The following CADM2 variants were observed in gnomAD, a reference collection of about 807,000 sequenced individuals.
The protein encoded by CADM2 is immunoglobulin superfamily member 4D.
Under a neutral mutation model 49.8 loss-of-function variants are expected in CADM2, and 12 were observed. The ratio of observed to expected loss-of-function variants is 0.24; its 90% CI spans 0.15 to 0.39. The LOEUF (loss-of-function observed/expected upper bound fraction) is 0.39, where lower values mean the gene tolerates loss of function less well. CADM2 is among the 10% of genes least tolerant of loss of function. CADM2 has a pLI of 1.00. For missense variants in CADM2, 378 were observed against 492.3 expected, an observed-to-expected ratio of 0.77 and a Z score of 2.20; for synonymous variants, 214 against 175.4, an observed-to-expected ratio of 1.22 and a Z score of -1.74.
rs78325399 is a variant in CADM2, at chr3:85,117,374, A to G, written c.61+157706A>G. On this transcript the variant is annotated intron_variant, in intron 1 of 9. Coordinates refer to ENST00000383699, the MANE Select transcript of CADM2 (RefSeq NM_001167675.2). ...AAGGAATATTATCTATTTCTCAAAG[A>G]AAGTTAAAATAATACAAGCTTGGAT... Among the ~76,000 whole-genome samples, 3 of 152,176 alleles carry G rather than the reference A, an allele frequency of 2.0e-5. No individual in the cohort carries two copies. The East Asian group carries it at 5.8e-4, about 29-fold the overall frequency.
chr3:85,112,356 A>T (rs1245556298), intron 1 of CADM2, among the ~76,000 whole-genome samples: 101 of 144,250 alleles, frequency 7.0e-4, no homozygotes, highest in Non-Finnish European at 1.2e-3. Flanking sequence ...AGAAACTGTC[A>T]TTTTTTTTTT....
chr3:85,969,083 G>T lies in CADM2; in HGVS notation c.970+7436G>T, dbSNP rs150889608. On this transcript the variant is annotated intron_variant, in intron 8 of 9. Coordinates refer to ENST00000383699, the MANE Select transcript of CADM2 (RefSeq NM_001167675.2). ...CATCATCCTCTCTGGCTTAGACTAG[G>T]GTCCCTTGTTCCACACTCCCACACC... is the stretch of plus-strand genomic sequence containing the variant. Among the ~76,000 whole-genome samples, 22 of 151,264 alleles carry T rather than the reference G, an allele frequency of 1.5e-4. No individual in the cohort carries two copies. The East Asian group carries it at 4.1e-3, about 28-fold the overall frequency.
intron 1 of CADM2, among the ~76,000 whole-genome samples, chr3:84,992,573 G>A (rs1375268002): frequency 1.3e-5 from 2 of 152,066 alleles, no homozygotes; most frequent in Non-Finnish European, 2.9e-5. Context: ...AGGTTGCAGT[G>A]AGCCGAGATC....
intron 3 of CADM2, among the ~76,000 whole-genome samples, chr3:85,820,168 G>A (rs2073464412): frequency 6.6e-6 from 1 of 152,094 alleles, no homozygotes; most frequent in South Asian, 2.1e-4. Context: ...AAGAATAGAG[G>A]AGAGGAAGGC....
At chr3:85,354,643 A>AGAGAGAGAGAGAG (rs71108278) in intron 1 of CADM2, among the ~76,000 whole-genome samples, 7 of 149,090 alleles carry the variant, frequency 4.7e-5, no homozygotes, top group East Asian at 4.0e-4. Flanking sequence ...AGAGAGAGAG[A>AGAGAGAGAGAGAG]AGCCTATTCT....
intron 1 of CADM2, among the ~76,000 whole-genome samples, chr3:85,330,119 A>G (rs780339986): frequency 7.9e-5 from 12 of 152,170 alleles, no homozygotes; most frequent in Non-Finnish European, 1.8e-4. Flanking sequence ...AAGAAATCCT[A>G]CATTTTCAAA....
chr3:86,036,790 T>G (rs1392810718), intron 8 of CADM2, among the ~76,000 whole-genome samples: 4 of 152,200 alleles, frequency 2.6e-5, no homozygotes, highest in Non-Finnish European at 5.9e-5. Flanking sequence ...GTGATATATG[T>G]GAACTGGTAC....
At chr3:85,266,663 A>G (rs1272320313) in intron 1 of CADM2, among the ~76,000 whole-genome samples, 1 of 151,914 alleles carries the variant, frequency 6.6e-6, no homozygotes, top group Non-Finnish European at 1.5e-5. Flanking sequence ...ATATCATTTT[A>G]TTAAGTAGAA....
chr3:85,042,753 T>C (rs2035492356), intron 1 of CADM2, among the ~76,000 whole-genome samples: 1 of 152,182 alleles, frequency 6.6e-6, no homozygotes, highest in Non-Finnish European at 1.5e-5. Flanking sequence ...CAAACAACTT[T>C]CCTGGTGATG....
At chr3:84,998,824 T>C (rs2033309836) in intron 1 of CADM2, among the ~76,000 whole-genome samples, 1 of 152,146 alleles carries the variant, frequency 6.6e-6, no homozygotes, top group Non-Finnish European at 1.5e-5. Context: ...ACCACCTGGT[T>C]AACTGTGAGT....
chr3:85,557,321 A>G (rs190515078), intron 1 of CADM2, among the ~76,000 whole-genome samples: 4 of 152,116 alleles, frequency 2.6e-5, no homozygotes, highest in Non-Finnish European at 5.9e-5. Context: ...TCAATATGAA[A>G]GAATAGAGAA....
chr3:85,943,495 C>T (rs1380670664), intron 7 of CADM2, among the ~76,000 whole-genome samples: 75 of 150,356 alleles, frequency 5.0e-4, no homozygotes, highest in Non-Finnish European at 1.0e-3. Flanking sequence ...TTTAATCCAT[C>T]TTGAATTGAT....
At chr3:85,777,746 G>C (rs777234723) in intron 2 of CADM2, among the ~76,000 whole-genome samples, 4 of 152,074 alleles carry the variant, frequency 2.6e-5, no homozygotes, top group Non-Finnish European at 5.9e-5. Context: ...TCTTCAATAA[G>C]TACTTTCTCT....
intron 8 of CADM2, among the ~76,000 whole-genome samples, chr3:85,994,961 A>T (rs1729188935): frequency 6.8e-6 from 1 of 146,606 alleles, no homozygotes; most frequent in African/African-American, 2.5e-5. Flanking sequence ...CTGTTGGAAA[A>T]ATGGTGCCAG....
At chr3:85,961,749 T>G in intron 8 of CADM2, 102 bp downstream of exon 8, 1 of 618,992 alleles carries the variant, frequency 1.6e-6, no homozygotes, top group Non-Finnish European at 2.5e-6. Flanking sequence ...ATTATATGGT[T>G]TCTTTTTACT....
chr3:85,699,121 T>A (rs940623637), intron 1 of CADM2, among the ~76,000 whole-genome samples: 1 of 152,036 alleles, frequency 6.6e-6, no homozygotes, highest in African/African-American at 2.4e-5. Context: ...TCCAAAATAA[T>A]CTCCTTTGAC....
intron 1 of CADM2, among the ~76,000 whole-genome samples, chr3:85,212,860 T>TCTCTCTCTCTCTC (rs1559723747): frequency 8.7e-6 from 1 of 114,860 alleles, no homozygotes; most frequent in Admixed American, 9.0e-5. Flanking sequence ...CTTTCTTTCT[T>TCTCTCTCTCTCTC]TCTTTCTTTC....
chr3:85,952,102 CAAT>C (rs1577756879), intron 7 of CADM2, among the ~76,000 whole-genome samples: 1 of 150,634 alleles, frequency 6.6e-6, no homozygotes, highest in South Asian at 2.1e-4. Context: ...ATGGAAGTAA[CAAT>C]GATGACAATG....
chr3:86,033,787 A>G (rs1042986773), intron 8 of CADM2, among the ~76,000 whole-genome samples: 2 of 146,810 alleles, frequency 1.4e-5, no homozygotes, highest in Non-Finnish European at 3.0e-5. Context: ...TATATATTAT[A>G]TACTGCATAT....
Sources: gnomAD v4.1 joint callset for allele counts (sites outside exome capture counted in the v4.1 genomes callset) on GRCh38, gnomAD v4.1.1 for gene constraint, MANE v1.5 for transcripts, NCBI Gene and HGNC (gene_info 2026-07-23, HGNC 2026-07-21) for gene names.